Variants in PLXNC1 observed in about 807,000 individuals in gnomAD.
PLXNC1 encodes the protein plexin-C1.
PLXNC1 carries 75 observed loss-of-function variants against 178.2 expected under a neutral mutation model. The ratio of observed to expected loss-of-function variants is 0.42; its 90% CI spans 0.35 to 0.51. PLXNC1 has a LOEUF of 0.51. Ranked by LOEUF, PLXNC1 falls within the 20% of genes least tolerant of loss-of-function variation. PLXNC1 has a pLI of 0.02. For synonymous variants in PLXNC1, 790 were observed against 779.9 expected (o/e 1.01, Z -0.22); for missense variants, 1,503 against 1,984.4 (o/e 0.76, Z 4.61).
chr12:94,174,898 C>T (rs148276359), intron 2 of PLXNC1, among the ~76,000 whole-genome samples: 2 of 152,318 alleles, frequency 1.3e-5, no homozygotes, highest in African/African-American at 4.8e-5. Context: ...GCAGGGACTC[C>T]CCAGTTTGAA....
intron 23 of PLXNC1, among the ~76,000 whole-genome samples, chr12:94,286,297 G>A (rs1437113398): frequency 6.6e-6 from 1 of 152,122 alleles, no homozygotes; most frequent in Non-Finnish European, 1.5e-5. Context: ...GAGCCTGAAG[G>A]AAACGGGAGG....
At chr12:94,191,864 C>A (rs894366668) in intron 4 of PLXNC1, among the ~76,000 whole-genome samples, 4 of 151,836 alleles carry the variant, frequency 2.6e-5, no homozygotes, top group African/African-American at 9.7e-5. Context: ...ATTGTTGGAA[C>A]CTCAGATCCA....
intron 5 of PLXNC1, among the ~76,000 whole-genome samples, chr12:94,219,137 G>T (rs1249847366): frequency 1.3e-5 from 2 of 152,194 alleles, no homozygotes; most frequent in East Asian, 3.8e-4. Context: ...AGAAAATTAT[G>T]AAAATAGAGA....
At chr12:94,187,899 G>T (rs890212717) in intron 4 of PLXNC1, among the ~76,000 whole-genome samples, 2 of 152,086 alleles carry the variant, frequency 1.3e-5, no homozygotes, top group Non-Finnish European at 2.9e-5. Flanking sequence ...AGTGAGTGTT[G>T]ATTGAGGAGA....
chr12:94,192,542 G>A (rs908722125), intron 4 of PLXNC1, among the ~76,000 whole-genome samples: 1 of 151,878 alleles, frequency 6.6e-6, no homozygotes, highest in Non-Finnish European at 1.5e-5. Flanking sequence ...TCATGCTCAT[G>A]GGTCAGCCTG....
chr12:94,210,649 G>C (rs1254031113), intron 5 of PLXNC1, among the ~76,000 whole-genome samples: 1 of 152,144 alleles, frequency 6.6e-6, no homozygotes, highest in Non-Finnish European at 1.5e-5. Flanking sequence ...GAGAGCCAAA[G>C]TATTTAATGA....
At chr12:94,220,286 C>A (rs1031514736) in intron 6 of PLXNC1, 123 bp downstream of exon 6, 4 of 906,678 alleles carry the variant, frequency 4.4e-6, no homozygotes, top group Admixed American at 2.5e-5. Flanking sequence ...CTCACTACCC[C>A]CTGGTTCCCA....
intron 4 of PLXNC1, among the ~76,000 whole-genome samples, chr12:94,190,892 T>C (rs548159228): frequency 3.0e-4 from 45 of 152,354 alleles, no homozygotes; most frequent in African/African-American, 1.1e-3. Context: ...TGGCAGACTC[T>C]TTCTTGACGG....
intron 4 of PLXNC1, among the ~76,000 whole-genome samples, chr12:94,198,105 A>G (rs759128880): frequency 3.9e-5 from 6 of 152,210 alleles, no homozygotes; most frequent in Non-Finnish European, 8.8e-5. Context: ...TATTCACATT[A>G]GCAAAGACAT....
intron 24 of PLXNC1, among the ~76,000 whole-genome samples, chr12:94,294,939 C>A (rs888473708): frequency 6.6e-6 from 1 of 152,194 alleles, no homozygotes; most frequent in Non-Finnish European, 1.5e-5. Flanking sequence ...ACAAGATAAT[C>A]CACTTAGAAG....
At position 94,177,115 on chromosome 12, in the gene PLXNC1, A is replaced by ATG. The variant is rs1190904850; in HGVS notation, c.1204-4330_1204-4329insGT. ...TGTATATATATATGTGTGTGTGTAT[A>ATG]TATGTGTGTGTGTGTATATATATGT... On this transcript the variant is annotated intron_variant, in intron 2 of 30. Transcript: ENST00000258526. 2.9e-3 allele frequency among the ~76,000 whole-genome samples: 348 copies of ATG among 117,986 alleles called. 3 individuals are homozygous for ATG. The highest frequency in any genetic ancestry group is 6.9e-3 in the African/African-American group (203 of 29,588). The allele number at this position is 117,986 out of a possible 152,430, so 77.4% of individuals were successfully genotyped here.
intron 23 of PLXNC1, among the ~76,000 whole-genome samples, chr12:94,288,060 CT>C (rs750389010): frequency 8.5e-5 from 13 of 152,342 alleles, no homozygotes; most frequent in Non-Finnish European, 1.3e-4. Context: ...TGAGGGATAC[CT>C]TCCCCCAGAT....
chr12:94,249,200 T>G (rs1964610052), intron 14 of PLXNC1, among the ~76,000 whole-genome samples: 1 of 152,178 alleles, frequency 6.6e-6, no homozygotes, highest in African/African-American at 2.4e-5. Context: ...GAGCCTCTCT[T>G]AGTCCATCTG....
rs1353883111 is a variant in PLXNC1 at position 94,149,706 on chromosome 12, C to T, written c.735C>T (p.Tyr245=). The T allele has an allele frequency of 2.5e-6, 4 of 1,612,158 alleles. No homozygotes were observed. Among genetic ancestry groups the T allele is most frequent in the Non-Finnish European group, 3.4e-6 (4 of 1,179,428 alleles). ...CCTTTCTCTGGAACGGCAGCATCTA[C>T]TTCCCCTACTACCCCTACAACTACA... ...VDAFLWNGSI[Y]FPYYPYNYTS... The change falls in exon 1 of 31, where the codon TAC becomes TAT. Residue 245 remains tyrosine, a synonymous_variant. Transcript: ENST00000258526.
intron 10 of PLXNC1, among the ~76,000 whole-genome samples, chr12:94,238,923 T>C (rs1260651464): frequency 6.6e-6 from 1 of 152,254 alleles, no homozygotes; most frequent in Non-Finnish European, 1.5e-5. Context: ...TAGGTTTTTT[T>C]GTGCTGTTTA....
chr12:94,248,998 C>G (rs759108703), intron 14 of PLXNC1, among the ~76,000 whole-genome samples: 3 of 151,808 alleles, frequency 2.0e-5, no homozygotes, highest in Non-Finnish European at 4.4e-5. Context: ...TAGAAGTCAC[C>G]CTTTATAGTA....
In PLXNC1 at chr12:94,150,591, C is replaced by A. The variant is rs541615541; in HGVS notation, c.1062+558C>A. Among the ~76,000 whole-genome samples, 316 of 152,372 alleles carry A rather than the reference C, an allele frequency of 2.1e-3. 3 individuals carry two copies. The highest frequency in any genetic ancestry group is 0.018 in the Admixed American group (281 of 15,314). ...TGTGGTCTGAAGAGTTGCTAGCCCG[C>A]TCAGCGTGGAGAAATGCCAGCCTGC... On this transcript the variant is annotated intron_variant, in intron 1 of 30. Transcript: ENST00000258526.
In PLXNC1 at chr12:94,279,496, A is replaced by C. The variant is rs750257194; in HGVS notation, c.3622A>C (p.Ile1208Leu). 1.4e-4 allele frequency: 229 copies of C among 1,613,442 alleles called. No homozygotes were observed. The highest frequency in any genetic ancestry group is 1.9e-4 in the Non-Finnish European group (219 of 1,179,586). Residue 1208 changes from isoleucine (I) to leucine (L), a missense_variant, in exon 22 of 31, where the codon ATC (isoleucine) becomes CTC (leucine). Physicochemically the swap from Ile to Leu is conservative, Grantham distance 5. This residue lies in a region of PLXNC1 where 639 missense variants were observed against 979.7 expected (regional missense o/e 0.65). Coordinates refer to ENST00000258526, the MANE Select transcript of PLXNC1 (RefSeq NM_005761.3). Reference sequence around the variant, plus strand: ...GGCATTAAACGTCGTCTTTGAAAAAATCCCGGAAAACGAGAGTGCAGATGT... The same window carrying C: ...GGCATTAAACGTCGTCTTTGAAAAACTCCCGGAAAACGAGAGTGCAGATGT... ...TVALNVVFEK[I>L]PENESADVCR...
chr12:94,225,644 C>T (rs906267976), intron 7 of PLXNC1, among the ~76,000 whole-genome samples: 8 of 152,200 alleles, frequency 5.3e-5, no homozygotes, highest in South Asian at 4.1e-4. Flanking sequence ...CCGACTAGCC[C>T]CAGGTCCCAC....
Sources: gnomAD v4.1 joint callset for allele counts (sites outside exome capture counted in the v4.1 genomes callset) on GRCh38, gnomAD v4.1.1 for gene constraint, gnomAD v4.1.1 regional missense constraint, MANE v1.5 for transcripts, NCBI Gene and HGNC (gene_info 2026-07-23, HGNC 2026-07-21) for gene names.